GALNT13: variants seen among roughly 807,000 people sequenced by gnomAD.
The protein encoded by GALNT13 is UDP-GalNAc:polypeptide N-acetylgalactosaminyltransferase 13.
Under a neutral mutation model 64.2 loss-of-function variants are expected in GALNT13, and 28 were observed. The ratio of observed to expected loss-of-function variants is 0.44; its 90% CI spans 0.32 to 0.60. The LOEUF is 0.60. Among genes scored for constraint, GALNT13 ranks in the 20% least tolerant of loss-of-function variants. The pLI, the probability that GALNT13 is intolerant of heterozygous loss-of-function variation, is 0.05. For missense variants in GALNT13, 577 were observed against 669.8 expected, an observed-to-expected ratio of 0.86 and a Z score of 1.53; for synonymous variants, 214 against 224.6, an observed-to-expected ratio of 0.95 and a Z score of 0.42.
At chr2:154,280,322 C>A (rs1041339220) in intron 8 of GALNT13, among the ~76,000 whole-genome samples, 7 of 152,080 alleles carry the variant, frequency 4.6e-5, no homozygotes, top group Non-Finnish European at 5.9e-5. Context: ...TATTATTATT[C>A]TTTTTCTATG....
At chr2:153,200,705 C>A in the GALNT13 span, among the ~76,000 whole-genome samples, 12 of 152,246 alleles carry the variant, frequency 7.9e-5, no homozygotes, top group African/African-American at 2.9e-4. Flanking sequence ...TAGAGAAATG[C>A]AGAAAACACA....
intron 8 of GALNT13, among the ~76,000 whole-genome samples, chr2:154,267,774 A>T (rs1385610668): frequency 6.6e-6 from 1 of 152,200 alleles, no homozygotes; most frequent in Admixed American, 6.5e-5. Context: ...TAGAAAAAAA[A>T]ACTCTCAAAA....
At chr2:154,045,561 T>G (rs1699235107) in intron 3 of GALNT13, among the ~76,000 whole-genome samples, 1 of 152,206 alleles carries the variant, frequency 6.6e-6, no homozygotes, top group Non-Finnish European at 1.5e-5. Context: ...TCTGCTAACC[T>G]GCTGAGGAGG....
At chr2:154,192,845 T>C (rs1315933348) in intron 4 of GALNT13, among the ~76,000 whole-genome samples, 3 of 152,256 alleles carry the variant, frequency 2.0e-5, no homozygotes, top group African/African-American at 7.2e-5. Context: ...AAAATCTCTT[T>C]GCTGTCAAGA....
At chr2:153,389,105 G>A in the GALNT13 span, among the ~76,000 whole-genome samples, 4 of 152,146 alleles carry the variant, frequency 2.6e-5, no homozygotes, top group African/African-American at 4.8e-5. Context: ...TCTAATCACC[G>A]CCTACATGCA....
At chr2:153,742,767 C>T in the GALNT13 span, among the ~76,000 whole-genome samples, 1 of 152,036 alleles carries the variant, frequency 6.6e-6, no homozygotes, top group African/African-American at 2.4e-5. Context: ...CTTTTTATGG[C>T]TGCATAGTAT....
At chr2:154,143,878 A>G (rs1041208652) in intron 4 of GALNT13, among the ~76,000 whole-genome samples, 6 of 151,202 alleles carry the variant, frequency 4.0e-5, no homozygotes, top group African/African-American at 1.5e-4. Flanking sequence ...AAAAAAAAAA[A>G]AAAAAAAAGA....
chr2:153,628,811 T>C, the GALNT13 span, among the ~76,000 whole-genome samples: 1 of 152,142 alleles, frequency 6.6e-6, no homozygotes, highest in Non-Finnish European at 1.5e-5. Context: ...AATTCTCTTT[T>C]TTTGTTGTGT....
chr2:153,927,624 A>T (rs573654631), intron 2 of GALNT13, among the ~76,000 whole-genome samples: 162 of 152,122 alleles, frequency 1.1e-3, no homozygotes, highest in Non-Finnish European at 1.8e-3. Context: ...GAGGACTTGA[A>T]ACTTTTACTT....
intron 1 of GALNT13, among the ~76,000 whole-genome samples, chr2:153,898,265 G>T (rs866281861): frequency 1.3e-5 from 2 of 151,992 alleles, no homozygotes. Flanking sequence ...GTTTTTTTAG[G>T]TGTATATATT....
chr2:154,214,569 G>A (rs1288574162), intron 4 of GALNT13, among the ~76,000 whole-genome samples: 2 of 152,118 alleles, frequency 1.3e-5, no homozygotes, highest in Non-Finnish European at 2.9e-5. Context: ...AATCATGGAG[G>A]TGGTTTTTCC....
At chr2:153,473,512 C>T in the GALNT13 span, among the ~76,000 whole-genome samples, 2 of 152,172 alleles carry the variant, frequency 1.3e-5, 1 homozygote, top group Middle Eastern at 6.3e-3. Context: ...CATTAGGAAA[C>T]AATTACTACT....
the GALNT13 span, among the ~76,000 whole-genome samples, chr2:153,694,973 T>C: frequency 1.3e-5 from 2 of 152,164 alleles, no homozygotes; most frequent in Non-Finnish European, 2.9e-5. Flanking sequence ...AGATATGATT[T>C]ATTATAACAA....
intron 3 of GALNT13, among the ~76,000 whole-genome samples, chr2:154,132,505 G>A (rs570283026): frequency 1.3e-5 from 2 of 152,072 alleles, no homozygotes; most frequent in Admixed American, 6.5e-5. Flanking sequence ...ATGCAGTACT[G>A]TATATAAGAT....
At chr2:153,418,918 G>A in the GALNT13 span, among the ~76,000 whole-genome samples, 4 of 152,148 alleles carry the variant, frequency 2.6e-5, no homozygotes, top group Non-Finnish European at 5.9e-5. Context: ...ACTGGAGAAA[G>A]AATTGCTGTG....
intron 3 of GALNT13, among the ~76,000 whole-genome samples, chr2:154,134,912 G>T (rs1051668649): frequency 1.3e-5 from 2 of 152,202 alleles, no homozygotes; most frequent in Admixed American, 1.3e-4. Flanking sequence ...CTTGAACCCA[G>T]GAGGTGGAGG....
chr2:153,184,320 TTGTATCCAGAGACATTGC>T, the GALNT13 span, among the ~76,000 whole-genome samples: 1 of 152,236 alleles, frequency 6.6e-6, no homozygotes, highest in Non-Finnish European at 1.5e-5. Flanking sequence ...CACATCAATT[TTGTATCCAGAGACATTGC>T]TAAATTTGCT....
the GALNT13 span, among the ~76,000 whole-genome samples, chr2:153,154,168 A>G: frequency 6.6e-6 from 1 of 152,074 alleles, no homozygotes; most frequent in Non-Finnish European, 1.5e-5. Context: ...TGTAGCTCCC[A>G]TAATTCCCAT....
the GALNT13 span, among the ~76,000 whole-genome samples, chr2:153,498,783 G>C: frequency 6.6e-6 from 1 of 152,194 alleles, no homozygotes; most frequent in Non-Finnish European, 1.5e-5. Context: ...AGCAGGGTTG[G>C]GGGGTGTGTT....
Sources: allele counts gnomAD v4.1 joint callset (sites outside exome capture counted in the v4.1 genomes callset), GRCh38; gene constraint gnomAD v4.1.1; transcripts MANE v1.5; gene names NCBI Gene and HGNC (gene_info 2026-07-23, HGNC 2026-07-21).